The following RAP1GDS1 variants were observed in gnomAD, a reference collection of about 807,000 sequenced individuals.
The protein encoded by RAP1GDS1 is Rap1 GTPase-GDP dissociation stimulator 1.
In RAP1GDS1, 35 loss-of-function variants were observed where a neutral mutation model predicts 71.1. The ratio of observed to expected loss-of-function variants is 0.49; its 90% CI spans 0.38 to 0.65. The LOEUF is 0.65. Ranked by LOEUF, RAP1GDS1 falls within the 30% of genes least tolerant of loss-of-function variation. The pLI, the probability that RAP1GDS1 is intolerant of heterozygous loss-of-function variation, is 0.00. For synonymous variants in RAP1GDS1, 229 were observed against 243.1 expected (o/e 0.94, Z 0.54); for missense variants, 663 against 706.1 (o/e 0.94, Z 0.69).
At chr4:98,324,643 C>G (rs1443735492) in intron 2 of RAP1GDS1, among the ~76,000 whole-genome samples, 4 of 144,912 alleles carry the variant, frequency 2.8e-5, no homozygotes, top group African/African-American at 8.1e-5. Context: ...TGATCTTTGA[C>G]AAACCTGAGA....
intron 1 of RAP1GDS1, among the ~76,000 whole-genome samples, chr4:98,269,791 C>T (rs1723196417): frequency 6.6e-6 from 1 of 152,150 alleles, no homozygotes; most frequent in Admixed American, 6.6e-5. Context: ...CAGTTAGTAT[C>T]ATGCATGTAT....
At chr4:98,386,850 G>T (rs1742843784) in intron 5 of RAP1GDS1, among the ~76,000 whole-genome samples, 1 of 151,964 alleles carries the variant, frequency 6.6e-6, no homozygotes, top group Non-Finnish European at 1.5e-5. Flanking sequence ...TGTTATAATA[G>T]AGCTAAAACT....
intron 2 of RAP1GDS1, among the ~76,000 whole-genome samples, chr4:98,318,340 A>G (rs530226243): frequency 7.2e-5 from 11 of 152,280 alleles, no homozygotes; most frequent in African/African-American, 2.6e-4. Context: ...TCTGTATACA[A>G]TGTTTTTTCC....
intron 6 of RAP1GDS1, among the ~76,000 whole-genome samples, chr4:98,398,237 A>AT (rs1491348218): frequency 6.6e-6 from 1 of 151,268 alleles, no homozygotes; most frequent in Non-Finnish European, 1.5e-5. Context: ...GAAAAAAAAA[A>AT]GGAGATAGAA....
At chr4:98,269,520 A>G (rs1253051487) in intron 1 of RAP1GDS1, among the ~76,000 whole-genome samples, 2 of 152,192 alleles carry the variant, frequency 1.3e-5, no homozygotes, top group Non-Finnish European at 2.9e-5. Context: ...GGAAACAACA[A>G]AATGAAAAGG....
intron 2 of RAP1GDS1, among the ~76,000 whole-genome samples, chr4:98,314,699 T>C (rs902132019): frequency 1.3e-5 from 2 of 152,168 alleles, no homozygotes; most frequent in African/African-American, 4.8e-5. Flanking sequence ...GTGGTCTACA[T>C]AGATAAGTAA....
chr4:98,438,567 C>CATATATATATATATTTATAT (rs1751456396), intron 14 of RAP1GDS1, among the ~76,000 whole-genome samples: 1 of 104,744 alleles, frequency 9.5e-6, no homozygotes, highest in Non-Finnish European at 1.8e-5. Flanking sequence ...TTTATTCTTC[C>CATATATATATATATTTATAT]ATATATATAT....
chr4:98,388,822 A>G (rs988616796), intron 5 of RAP1GDS1, among the ~76,000 whole-genome samples: 6 of 152,170 alleles, frequency 3.9e-5, no homozygotes, highest in African/African-American at 1.4e-4. Context: ...GAAGACCTAG[A>G]AGACTTTTTT....
chr4:98,274,301 T>C (rs868019620), intron 1 of RAP1GDS1, among the ~76,000 whole-genome samples: 3 of 152,166 alleles, frequency 2.0e-5, no homozygotes, highest in South Asian at 2.1e-4. Flanking sequence ...CCATTAGACT[T>C]CTGTGTCATA....
intron 2 of RAP1GDS1, among the ~76,000 whole-genome samples, chr4:98,322,631 C>G (rs1732138982): frequency 3.1e-5 from 1 of 32,058 alleles, no homozygotes; most frequent in Admixed American, 3.3e-4. Context: ...CAAAGCCGCT[C>G]AACTACATGG....
intron 4 of RAP1GDS1, among the ~76,000 whole-genome samples, chr4:98,364,133 CT>C (rs1173514750): frequency 2.0e-5 from 3 of 152,048 alleles, no homozygotes; most frequent in Non-Finnish European, 4.4e-5. Flanking sequence ...ATTTCTATAT[CT>C]TTATATTCTT....
intron 12 of RAP1GDS1, among the ~76,000 whole-genome samples, chr4:98,421,822 A>G (rs1748905129): frequency 6.6e-6 from 1 of 152,190 alleles, no homozygotes; most frequent in Admixed American, 6.5e-5. Context: ...GAGCTATTTT[A>G]AAGATCACAA....
chr4:98,392,111 T>G (rs756266090), intron 6 of RAP1GDS1, 31 bp downstream of exon 6: 3 of 1,582,058 alleles, frequency 1.9e-6, no homozygotes, highest in Non-Finnish European at 8.6e-7. Flanking sequence ...ACAAATGTAA[T>G]TAACTTATTA....
Position 98,391,940 on chromosome 4 carries a change from TTG to T in RAP1GDS1, c.509-10_509-9del. 1 of 1,565,010 alleles carries T rather than the reference TTG, an allele frequency of 6.4e-7. No homozygotes were observed. The highest frequency in any genetic ancestry group is 8.6e-7 in the Non-Finnish European group (1 of 1,161,288). ...TTTCTTTTCTGTTGTTGTTTTTTTT[TTG>T]TTTTTACAGATTCGCTTCAAGCTCA... On this transcript the variant is annotated splice_polypyrimidine_tract_variant and intron_variant, in intron 5 of 14. Transcript: ENST00000408927.
chr4:98,382,562 T>A (rs539849563), intron 5 of RAP1GDS1, among the ~76,000 whole-genome samples: 132 of 151,520 alleles, frequency 8.7e-4, no homozygotes, highest in Non-Finnish European at 1.6e-3. Context: ...CTCAAACCTT[T>A]AATTGTAGGT....
At chr4:98,320,621 C>A (rs570103775) in intron 2 of RAP1GDS1, among the ~76,000 whole-genome samples, 255 of 151,522 alleles carry the variant, frequency 1.7e-3, no homozygotes, top group Middle Eastern at 0.01. Flanking sequence ...CCCCTGACCC[C>A]CGAGCAGCCT....
intron 5 of RAP1GDS1, among the ~76,000 whole-genome samples, chr4:98,381,755 G>A (rs1347226201): frequency 6.6e-6 from 1 of 151,380 alleles, no homozygotes; most frequent in Admixed American, 6.6e-5. Context: ...AACTGCCTTG[G>A]ACCCAATAAC....
chr4:98,417,521 T>C, intron 9 of RAP1GDS1, 23 bp downstream of exon 9: 1 of 1,608,324 alleles, frequency 6.2e-7, no homozygotes, highest in Non-Finnish European at 8.5e-7. Context: ...GTTCCTCCTT[T>C]GTTAGTCAAA....
chr4:98,358,012 G>C (rs993044462), intron 4 of RAP1GDS1, among the ~76,000 whole-genome samples: 4 of 152,010 alleles, frequency 2.6e-5, no homozygotes, highest in African/African-American at 9.7e-5. Context: ...AGATAAATCT[G>C]GTGGGAAGCA....
Sources: gnomAD v4.1 joint callset for allele counts (sites outside exome capture counted in the v4.1 genomes callset) on GRCh38, gnomAD v4.1.1 for gene constraint, MANE v1.5 for transcripts, NCBI Gene and HGNC (gene_info 2026-07-23, HGNC 2026-07-21) for gene names.